THEMIS2: variants seen among roughly 807,000 people sequenced by gnomAD.
THEMIS2 encodes thymocyte selection associated family member 2, also known as protein THEMIS2.
A neutral mutation model predicts 46.8 loss-of-function variants in THEMIS2; 29 were observed. The ratio of observed to expected loss-of-function variants is 0.62; its 90% CI spans 0.46 to 0.84. The LOEUF is 0.84. THEMIS2 is among the 40% of genes least tolerant of loss of function. The probability of loss-of-function intolerance (pLI) is 0.00; values close to 1 mark genes in which losing one functional copy is unlikely to be tolerated. For missense variants in THEMIS2, 698 were observed against 834.7 expected (o/e 0.84, Z 2.02); for synonymous variants, 335 against 349.1 (o/e 0.96, Z 0.45).
intron 1 of THEMIS2, among the ~76,000 whole-genome samples, chr1:27,875,626 G>C (rs1571576063): frequency 6.6e-6 from 1 of 152,188 alleles, no homozygotes; most frequent in Non-Finnish European, 1.5e-5. Flanking sequence ...ACTCGTGTGT[G>C]CGTGAGAGAT....
chr1:27,885,585 G>A, intron 5 of THEMIS2, 134 bp downstream of exon 5: 2 of 1,208,632 alleles, frequency 1.7e-6, no homozygotes, highest in Admixed American at 2.8e-5. Context: ...GGCCTCTATG[G>A]GGTGGGCTCA....
Position 27,874,033 on chromosome 1 carries a change from GTTTTT to G in THEMIS2, c.94+1381_94+1385del, listed in dbSNP as rs1256524975. ...GGCAAACACCCTGGGTTCAACCTAG[GTTTTT>G]TTTTTTTTTTTTGAGACAGAGTCTG... On this transcript the variant is annotated intron_variant, in intron 1 of 5. Transcript: ENST00000373921. 1.3e-3 allele frequency among the ~76,000 whole-genome samples: 124 copies of G among 97,134 alleles called. 4 individuals carry two copies. The Middle Eastern group carries it at 0.019, about 15-fold the overall frequency. 63.7% of individuals were successfully genotyped at this position (97,134 alleles called of 152,430 possible). A position where few individuals can be genotyped will look rare whatever the true frequency, so the allele number is the denominator to read the frequency against.
chr1:27,879,520 C>T (rs553286797), intron 2 of THEMIS2, 124 bp from the exon 3 acceptor site: 2 of 843,088 alleles, frequency 2.4e-6, no homozygotes, highest in East Asian at 5.2e-5. Flanking sequence ...CTGTCATTGA[C>T]ACCTGTCCCT....
Position 27,874,033 on chromosome 1 carries a change from GTTTT to G in THEMIS2, c.94+1382_94+1385del, listed in dbSNP as rs1256524975. On this transcript the variant is annotated intron_variant, in intron 1 of 5. Transcript: ENST00000373921. The stretch of plus-strand genomic sequence containing the variant: ...GGCAAACACCCTGGGTTCAACCTAG[GTTTT>G]TTTTTTTTTTTTTGAGACAGAGTCT... Among the ~76,000 whole-genome samples, 189 of 97,144 alleles carry G rather than the reference GTTTT, an allele frequency of 1.9e-3. 8 individuals are homozygous for G. Among genetic ancestry groups the G allele is most frequent in the African/African-American group, 9.1e-3 (175 of 19,332 alleles). The allele number at this position is 97,144 out of a possible 152,430, so 63.7% of individuals were successfully genotyped here.
chr1:27,875,989 A>C (rs1325820239), intron 1 of THEMIS2, among the ~76,000 whole-genome samples: 2 of 152,000 alleles, frequency 1.3e-5, no homozygotes, highest in Non-Finnish European at 2.9e-5. Context: ...GGCGTGAGCC[A>C]CCGCGCCCAA....
intron 1 of THEMIS2, among the ~76,000 whole-genome samples, chr1:27,874,792 G>A (rs957293787): frequency 7.3e-5 from 11 of 151,718 alleles, no homozygotes; most frequent in South Asian, 2.1e-4. Flanking sequence ...AAAAAAGGAC[G>A]AGGTCTGTGT....
At chr1:27,879,566 T>G in intron 2 of THEMIS2, 78 bp from the exon 3 acceptor site, 1 of 1,297,398 alleles carries the variant, frequency 7.7e-7, no homozygotes, top group Non-Finnish European at 1.1e-6. Flanking sequence ...AGGGCCAGAC[T>G]GGGGTCTGGA....
At chr1:27,884,811 T>A (rs2089741140) in intron 4 of THEMIS2, 1 of 158,788 alleles carries the variant, frequency 6.3e-6, no homozygotes, top group Non-Finnish European at 1.4e-5. Flanking sequence ...GCACACTTTC[T>A]CTCCTACATA....
intron 3 of THEMIS2, among the ~76,000 whole-genome samples, chr1:27,880,540 C>T (rs764908772): frequency 1.3e-5 from 2 of 152,082 alleles, no homozygotes; most frequent in African/African-American, 4.8e-5. Context: ...CAGTGGCTCA[C>T]GCATGTAATA....
At chr1:27,874,033 G>GTTTTTTTGTT in intron 1 of THEMIS2, among the ~76,000 whole-genome samples, 1 of 97,136 alleles carries the variant, frequency 1.0e-5, no homozygotes, top group East Asian at 4.1e-4. Flanking sequence ...TTCAACCTAG[G>GTTTTTTTGTT]TTTTTTTTTT....
chr1:27,882,381 A>G lies in THEMIS2; in HGVS notation c.1057A>G (p.Lys353Glu). The change falls in exon 4 of 6, where the codon AAG becomes GAG. Residue 353 changes from lysine to glutamate, a missense_variant. Physicochemically the swap from Lys to Glu is moderately conservative, Grantham distance 56. Transcript: ENST00000373921. This position sits in a 1 kb window ranked among gnomAD's most constrained non-coding sequence, Gnocchi z 7.6. Reference sequence around the variant, plus strand: ...CCGGCCACTCCGGGTGGTGGCCACAAAGGACTGTGAGGGCGAGAGGGAGGA... The same window carrying G: ...CCGGCCACTCCGGGTGGTGGCCACAGAGGACTGTGAGGGCGAGAGGGAGGA... The part of the protein sequence containing the change: ...PGRPLRVVAT[K>E]DCEGEREENP... The G allele has an allele frequency of 1.9e-6, 3 of 1,597,754 alleles. No homozygotes were observed. The highest frequency in any genetic ancestry group is 2.6e-6 in the Non-Finnish European group (3 of 1,169,950).
intron 1 of THEMIS2, among the ~76,000 whole-genome samples, chr1:27,875,761 C>T (rs1006616442): frequency 3.3e-5 from 5 of 151,878 alleles, no homozygotes; most frequent in Non-Finnish European, 5.9e-5. Context: ...AGTGAAGTGG[C>T]GTGATCTCGG....
Position 27,872,562 on chromosome 1 carries a change from C to G in THEMIS2, c.-10C>G, listed in dbSNP as rs572011445. On this transcript the variant is annotated 5_prime_UTR_variant, in exon 1 of 6. Coordinates refer to ENST00000373921, the MANE Select transcript of THEMIS2 (RefSeq NM_001105556.3). The surrounding 1 kb of genome is among the most constrained non-coding windows in gnomAD (Gnocchi z 4.9). ...GCCCCTCAGTCTGAGCCCAGAGAGC[C>G]GCGGGGACCATGGAGCCGGTGCCGC... The G allele has an allele frequency of 1.3e-5, 20 of 1,486,266 alleles. No individual in the cohort carries two copies. In the African/African-American group the frequency reaches 1.9e-4, roughly 14 times the overall value. 92.1% of individuals were successfully genotyped at this position (1,486,266 alleles called of 1,614,324 possible). A position where few individuals can be genotyped will look rare whatever the true frequency, so the allele number is the denominator to read the frequency against.
At chr1:27,878,000 A>G (rs907067026) in intron 2 of THEMIS2, among the ~76,000 whole-genome samples, 2 of 151,568 alleles carry the variant, frequency 1.3e-5, no homozygotes, top group Admixed American at 6.6e-5. Context: ...AAATACAAAA[A>G]TTAGCTAGGG....
chr1:27,882,801 G>A lies in THEMIS2; in HGVS notation c.1477G>A (p.Glu493Lys), dbSNP rs1166731844. Residue 493 changes from glutamate to lysine, a missense_variant, in exon 4 of 6, where the codon GAG becomes AAG. Coordinates refer to ENST00000373921, the MANE Select transcript of THEMIS2 (RefSeq NM_001105556.3). The surrounding 1 kb of genome is among the most constrained non-coding windows in gnomAD (Gnocchi z 7.6). ...EPFLVVSLDS[E>K]PGMCFEIPPR... ...ATTCTTGGTGGTGAGCCTAGACTCT[G>A]AGCCTGGGATGTGCTTTGAGATCCC... The A allele has an allele frequency of 6.2e-7, 1 of 1,613,916 alleles. No homozygotes were observed. The highest frequency in any genetic ancestry group is 8.5e-7 in the Non-Finnish European group (1 of 1,179,918).
At chr1:27,881,188 C>T (rs1036169851) in intron 3 of THEMIS2, among the ~76,000 whole-genome samples, 5 of 151,884 alleles carry the variant, frequency 3.3e-5, no homozygotes, top group African/African-American at 1.2e-4. Context: ...CAGTGGCTCA[C>T]GCCTGTAATC....
At chr1:27,885,208 G>C in intron 4 of THEMIS2, 87 bp from the exon 5 acceptor site, 1 of 1,406,256 alleles carries the variant, frequency 7.1e-7, no homozygotes, top group Admixed American at 2.0e-5. Context: ...AGCAGAGGAA[G>C]TGACACTTAA....
rs74840077 is a variant in THEMIS2, at chr1:27,882,194, C to T, written c.870C>T (p.Cys290=). 5,115 of 1,613,448 alleles carry T rather than the reference C, an allele frequency of 3.2e-3. 140 individuals are homozygous for T. The African/African-American group carries it at 0.058, about 18-fold the overall frequency. The change falls in exon 4 of 6, where the codon TGC becomes TGT. Residue 290 remains cysteine, a synonymous_variant. Coordinates refer to ENST00000373921, the MANE Select transcript of THEMIS2 (RefSeq NM_001105556.3). This position sits in a 1 kb window ranked among gnomAD's most constrained non-coding sequence, Gnocchi z 7.6. The stretch of plus-strand genomic sequence containing the variant: ...CCTTGCAAAAAGGCCAGAGGCTTTG[C>T]GTCTATGGCCTAGCCTCACCACCCT... ...VGSLQKGQRL[C]VYGLASPPWR...
At chr1:27,876,776 C>G in intron 2 of THEMIS2, 48 bp downstream of exon 2, 6 of 1,602,330 alleles carry the variant, frequency 3.7e-6, no homozygotes, top group Non-Finnish European at 5.1e-6. Flanking sequence ...ACTCTCCTGG[C>G]ACACCCGCAG....
Sources: allele counts gnomAD v4.1 joint callset (sites outside exome capture counted in the v4.1 genomes callset), GRCh38; gene constraint gnomAD v4.1.1; non-coding constraint Gnocchi (gnomAD v3.1); transcripts MANE v1.5; gene names NCBI Gene and HGNC (gene_info 2026-07-23, HGNC 2026-07-21).